The following CCSER1 variants were observed in gnomAD, a reference collection of about 807,000 sequenced individuals.
CCSER1 encodes serine-rich coiled-coil domain-containing protein 1.
A neutral mutation model predicts 82.0 loss-of-function variants in CCSER1; 41 were observed. That is an observed-to-expected ratio of 0.50 (90% CI 0.39 to 0.65). The LOEUF (loss-of-function observed/expected upper bound fraction) is 0.65, where lower values mean the gene tolerates loss of function less well. Ranked by LOEUF, CCSER1 falls within the 30% of genes least tolerant of loss-of-function variation. CCSER1 has a pLI of 0.00. For missense variants in CCSER1, 1,119 were observed against 1,064.2 expected, an observed-to-expected ratio of 1.05 and a Z score of -0.72; for synonymous variants, 414 against 383.9, an observed-to-expected ratio of 1.08 and a Z score of -0.92.
intron 10 of CCSER1, among the ~76,000 whole-genome samples, chr4:91,395,325 A>T (rs962252364): frequency 1.3e-5 from 2 of 152,032 alleles, no homozygotes; most frequent in African/African-American, 4.8e-5. Context: ...CCAAATAGGG[A>T]TGTGACTATA....
intron 5 of CCSER1, among the ~76,000 whole-genome samples, chr4:90,527,675 A>G (rs1015082671): frequency 2.0e-5 from 3 of 152,172 alleles, no homozygotes; most frequent in Admixed American, 6.5e-5. Flanking sequence ...ACTGGTGAAT[A>G]TAGTTTCCAG....
chr4:91,159,087 G>A (rs756983443), intron 10 of CCSER1, among the ~76,000 whole-genome samples: 4 of 151,786 alleles, frequency 2.6e-5, no homozygotes, highest in Admixed American at 6.6e-5. Flanking sequence ...ATTAAATTAA[G>A]GACTTATCTG....
At chr4:90,637,446 T>C (rs115155952) in intron 6 of CCSER1, among the ~76,000 whole-genome samples, 2,107 of 152,264 alleles carry the variant, frequency 0.014, 46 homozygotes, top group African/African-American at 0.049. Context: ...TGATTTAGCA[T>C]GGAAGAACAA....
At chr4:91,251,501 T>C (rs1299938388) in intron 10 of CCSER1, among the ~76,000 whole-genome samples, 1 of 152,206 alleles carries the variant, frequency 6.6e-6, no homozygotes, top group Non-Finnish European at 1.5e-5. Context: ...AATTCAATCC[T>C]GGAAGTGCTA....
chr4:90,173,089 T>G (rs1326087847), intron 1 of CCSER1, among the ~76,000 whole-genome samples: 2 of 151,768 alleles, frequency 1.3e-5, no homozygotes, highest in Non-Finnish European at 2.9e-5. Flanking sequence ...ATCAAGATGT[T>G]GATACCCAGA....
chr4:90,574,097 G>A (rs1780425134), intron 5 of CCSER1, among the ~76,000 whole-genome samples: 1 of 150,764 alleles, frequency 6.6e-6, no homozygotes, highest in Admixed American at 6.6e-5. Context: ...CTTTGCCTCA[G>A]CACTGATATA....
chr4:90,931,540 A>G (rs1003287612), intron 9 of CCSER1, among the ~76,000 whole-genome samples: 5 of 152,194 alleles, frequency 3.3e-5, no homozygotes, highest in Non-Finnish European at 5.9e-5. Context: ...TGAAATAGTG[A>G]TAACAATTTT....
intron 10 of CCSER1, among the ~76,000 whole-genome samples, chr4:91,219,785 G>A (rs1737590211): frequency 1.3e-5 from 2 of 151,944 alleles, no homozygotes; most frequent in South Asian, 4.1e-4. Context: ...TAAAAATTAT[G>A]GAGAATATAT....
At chr4:91,144,851 A>C (rs1485188380) in intron 10 of CCSER1, among the ~76,000 whole-genome samples, 3 of 151,982 alleles carry the variant, frequency 2.0e-5, no homozygotes, top group Admixed American at 1.3e-4. Context: ...TGATTTTTAA[A>C]AAATTTGTTG....
intron 10 of CCSER1, among the ~76,000 whole-genome samples, chr4:91,142,166 G>C (rs1478349059): frequency 6.6e-6 from 1 of 152,080 alleles, no homozygotes; most frequent in Non-Finnish European, 1.5e-5. Flanking sequence ...ATTGAATCAT[G>C]GGGGCAATTT....
intron 5 of CCSER1, among the ~76,000 whole-genome samples, chr4:90,548,819 T>C (rs1777108538): frequency 6.6e-6 from 1 of 151,854 alleles, no homozygotes; most frequent in African/African-American, 2.4e-5. Flanking sequence ...CAATAAGTGA[T>C]TACTCTGTAC....
chr4:90,968,195 T>G (rs1240573441), intron 9 of CCSER1, among the ~76,000 whole-genome samples: 2 of 151,522 alleles, frequency 1.3e-5, no homozygotes, highest in Non-Finnish European at 2.9e-5. Context: ...AATAATATGT[T>G]AAAATATTAA....
chr4:90,695,339 T>C (rs1406348001), intron 6 of CCSER1, among the ~76,000 whole-genome samples: 1 of 151,914 alleles, frequency 6.6e-6, no homozygotes, highest in Non-Finnish European at 1.5e-5. Context: ...GGAGAATTAA[T>C]GTAAAAACTA....
At position 90,176,231 on chromosome 4, in the gene CCSER1, G is replaced by A. The variant is rs114262350; in HGVS notation, c.-42+48400G>A. Among the ~76,000 whole-genome samples, 308 of 152,134 alleles carry A rather than the reference G, an allele frequency of 2.0e-3. 1 individual carries two copies. Among genetic ancestry groups the A allele is most frequent in the African/African-American group, 7.2e-3 (299 of 41,544 alleles). On this transcript the variant is annotated intron_variant, in intron 1 of 10. Coordinates refer to ENST00000509176, the MANE Select transcript of CCSER1 (RefSeq NM_001145065.2). ...CCAGAAGAGCAGAGAGCACCAAACA[G>A]TCTTCAGAAGCACTCAGGTCAAGTG...
chr4:91,530,938 C>T (rs1365461074), intron 10 of CCSER1, among the ~76,000 whole-genome samples: 9 of 152,010 alleles, frequency 5.9e-5, no homozygotes, highest in Admixed American at 4.6e-4. Flanking sequence ...CCACCTGCCT[C>T]GGCCTCCCAA....
intron 5 of CCSER1, among the ~76,000 whole-genome samples, chr4:90,611,360 A>G (rs1785477926): frequency 6.6e-6 from 1 of 152,222 alleles, no homozygotes; most frequent in Admixed American, 6.5e-5. Flanking sequence ...ATGTAAATTC[A>G]GTAGATCTTT....
At chr4:91,572,479 T>G (rs529729960) in intron 10 of CCSER1, among the ~76,000 whole-genome samples, 3 of 152,124 alleles carry the variant, frequency 2.0e-5, no homozygotes, top group African/African-American at 7.2e-5. Context: ...CCTCAAACAC[T>G]TCGATGACCA....
chr4:91,503,476 T>G (rs1759326721), intron 10 of CCSER1, among the ~76,000 whole-genome samples: 1 of 152,102 alleles, frequency 6.6e-6, no homozygotes, highest in Admixed American at 6.6e-5. Context: ...ATTTTTAGAA[T>G]AAATGTGAGA....
At chr4:91,323,835 T>G (rs1189698092) in intron 10 of CCSER1, among the ~76,000 whole-genome samples, 4 of 152,176 alleles carry the variant, frequency 2.6e-5, no homozygotes, top group Non-Finnish European at 5.9e-5. Flanking sequence ...TTCCTTAGAC[T>G]GGAACTACTT....
Sources: gnomAD v4.1 joint callset for allele counts (sites outside exome capture counted in the v4.1 genomes callset) on GRCh38, gnomAD v4.1.1 for gene constraint, MANE v1.5 for transcripts, NCBI Gene and HGNC (gene_info 2026-07-23, HGNC 2026-07-21) for gene names.